PRKN: variants seen among roughly 807,000 people sequenced by gnomAD.
PRKN encodes the protein E3 ubiquitin-protein ligase parkin.
Under a neutral mutation model 59.5 loss-of-function variants are expected in PRKN, and 56 were observed. The observed-to-expected ratio is 0.94, with a 90% CI of 0.76 to 1.18. PRKN has a LOEUF of 1.18. Ranked by LOEUF, PRKN falls within the 50% of genes most tolerant of loss-of-function variation. The pLI, the probability that PRKN is intolerant of heterozygous loss-of-function variation, is 0.00. For synonymous variants in PRKN, 250 were observed against 222.1 expected, an observed-to-expected ratio of 1.13 and a Z score of -1.12; for missense variants, 657 against 596.4, an observed-to-expected ratio of 1.10 and a Z score of -1.06.
intron 7 of PRKN, among the ~76,000 whole-genome samples, chr6:161,781,559 C>T (rs1159395077): frequency 6.6e-6 from 1 of 152,056 alleles, no homozygotes; most frequent in African/African-American, 2.4e-5. Flanking sequence ...AGAGCTTGAC[C>T]ACGCAAAATT....
intron 1 of PRKN, among the ~76,000 whole-genome samples, chr6:162,615,098 G>A (rs1403738641): frequency 6.6e-6 from 1 of 152,122 alleles, no homozygotes; most frequent in Non-Finnish European, 1.5e-5. Flanking sequence ...TGCAAAATAT[G>A]AGCACATACC....
At chr6:162,450,316 C>G (rs376584730) in intron 1 of PRKN, among the ~76,000 whole-genome samples, 1 of 119,384 alleles carries the variant, frequency 8.4e-6, no homozygotes, top group East Asian at 2.5e-4. Context: ...TATGAACGCC[C>G]GTGAATGTAA....
intron 7 of PRKN, among the ~76,000 whole-genome samples, chr6:161,770,116 A>G (rs1304647623): frequency 1.3e-5 from 2 of 152,160 alleles, no homozygotes; most frequent in African/African-American, 4.8e-5. Context: ...AGATTTTCAA[A>G]TCAGAAAATT....
intron 9 of PRKN, among the ~76,000 whole-genome samples, chr6:161,528,505 A>G (rs1337707746): frequency 2.0e-5 from 3 of 152,210 alleles, no homozygotes; most frequent in Non-Finnish European, 4.4e-5. Flanking sequence ...CATTGAGAAA[A>G]GATCCTAGAA....
intron 6 of PRKN, among the ~76,000 whole-genome samples, chr6:161,803,452 C>A (rs769741644): frequency 1.2e-4 from 19 of 152,174 alleles, no homozygotes; most frequent in Non-Finnish European, 2.1e-4. Context: ...GTGAGGCCTG[C>A]CCTTCTGAAT....
chr6:162,696,700 T>G (rs1777983664), intron 1 of PRKN, among the ~76,000 whole-genome samples: 1 of 150,912 alleles, frequency 6.6e-6, no homozygotes, highest in South Asian at 2.1e-4. Flanking sequence ...TGTGCCACCA[T>G]GCCCAGCTAA....
At chr6:162,300,869 C>T (rs1301332441) in intron 2 of PRKN, among the ~76,000 whole-genome samples, 1 of 152,054 alleles carries the variant, frequency 6.6e-6, no homozygotes, top group East Asian at 1.9e-4. Flanking sequence ...TATACATTAA[C>T]AAAATAAAAT....
At chr6:161,666,044 GC>G (rs917680614) in intron 7 of PRKN, among the ~76,000 whole-genome samples, 2 of 152,172 alleles carry the variant, frequency 1.3e-5, no homozygotes, top group African/African-American at 4.8e-5. Flanking sequence ...CAGCTGGGCG[GC>G]TTACTAGCCC....
chr6:161,445,285 G>A lies in PRKN; in HGVS notation c.1084-58408C>T, dbSNP rs1789432799. Among the ~76,000 whole-genome samples the A allele has an allele frequency of 6.6e-6, 1 of 152,172 alleles. No homozygotes were observed. Among genetic ancestry groups the A allele is most frequent in the Admixed American group, 6.5e-5 (1 of 15,280 alleles). On this transcript the variant is annotated intron_variant, in intron 9 of 11. Transcript: ENST00000366898. This position sits in a 1 kb window ranked among gnomAD's most constrained non-coding sequence, Gnocchi z 7.7. The stretch of plus-strand genomic sequence containing the variant: ...GGACTGTAAAACATAGACCGCATGT[G>A]ACCTGCTGGTGCTCGGCACTGACCC...
chr6:162,083,113 C>G (rs1048138046), intron 4 of PRKN, among the ~76,000 whole-genome samples: 2 of 151,970 alleles, frequency 1.3e-5, no homozygotes, highest in Admixed American at 6.6e-5. Context: ...TGCCAACACG[C>G]CCACCCAGTT....
rs1789428122 is a variant in PRKN at position 161,445,183 on chromosome 6, A to G, written c.1084-58306T>C. Reference sequence around the variant, plus strand: ...GACACAGCTCCCCCTGCACGAGTGTACAGCAGTCAGACAGGAACGGGGAGA... The same window carrying G: ...GACACAGCTCCCCCTGCACGAGTGTGCAGCAGTCAGACAGGAACGGGGAGA... On this transcript the variant is annotated intron_variant, in intron 9 of 11. Transcript: ENST00000366898. The surrounding 1 kb of genome is among the most constrained non-coding windows in gnomAD (Gnocchi z 7.7). Among the ~76,000 whole-genome samples the G allele has an allele frequency of 6.6e-6, 1 of 152,132 alleles. No homozygotes were observed. The highest frequency in any genetic ancestry group is 1.5e-5 in the Non-Finnish European group (1 of 68,030).
intron 8 of PRKN, among the ~76,000 whole-genome samples, chr6:161,565,721 C>G (rs1780616877): frequency 6.6e-6 from 1 of 152,148 alleles, no homozygotes; most frequent in African/African-American, 2.4e-5. Flanking sequence ...CAGGCATTTA[C>G]TTATAGCAAT....
intron 4 of PRKN, among the ~76,000 whole-genome samples, chr6:162,194,293 A>T (rs1455027121): frequency 6.6e-6 from 1 of 152,270 alleles, no homozygotes; most frequent in African/African-American, 2.4e-5. Context: ...AGAATACAAT[A>T]AAAATACTTG....
At chr6:161,817,988 C>T (rs540023455) in intron 6 of PRKN, among the ~76,000 whole-genome samples, 32 of 152,228 alleles carry the variant, frequency 2.1e-4, no homozygotes, top group African/African-American at 7.2e-4. Flanking sequence ...AGTCTACTGG[C>T]GTAGGAGCCA....
chr6:162,039,586 C>A (rs1469958047), intron 5 of PRKN, among the ~76,000 whole-genome samples: 1 of 152,230 alleles, frequency 6.6e-6, no homozygotes, highest in Non-Finnish European at 1.5e-5. Flanking sequence ...TGAGTGGCAG[C>A]GGCCTCAGGC....
At chr6:162,333,447 T>A (rs1783681925) in intron 2 of PRKN, among the ~76,000 whole-genome samples, 1 of 152,172 alleles carries the variant, frequency 6.6e-6, no homozygotes, top group African/African-American at 2.4e-5. Flanking sequence ...CACATTTTGG[T>A]AATTCATATA....
At chr6:161,821,719 C>CTTTTTTTTTTTTTTTTTTTTTT (rs531807176) in intron 6 of PRKN, among the ~76,000 whole-genome samples, 5 of 64,706 alleles carry the variant, frequency 7.7e-5, no homozygotes, top group Admixed American at 2.6e-4. Flanking sequence ...CACTGGTGTT[C>CTTTTTTTTTTTTTTTTTTTTTT]TTTTTTTTTT....
In PRKN at chr6:161,362,687, A is replaced by C. The variant is rs1172942028; in HGVS notation, c.1168-2482T>G. On this transcript the variant is annotated intron_variant, in intron 10 of 11. Coordinates refer to ENST00000366898, the MANE Select transcript of PRKN (RefSeq NM_004562.3). The surrounding 1 kb of genome is among the most constrained non-coding windows in gnomAD (Gnocchi z 5.2). ...ATTAGCTTTAAAAAACCTCAAGTCA[A>C]AAATTAATTTGAAATATTACCAGAT... 1.3e-5 allele frequency among the ~76,000 whole-genome samples: 2 copies of C among 152,226 alleles called. No individual in the cohort carries two copies. The highest frequency in any genetic ancestry group is 4.8e-5 in the African/African-American group (2 of 41,446).
chr6:162,670,471 A>G (rs1779277420), intron 1 of PRKN, among the ~76,000 whole-genome samples: 1 of 152,204 alleles, frequency 6.6e-6, no homozygotes. Flanking sequence ...GTCTGCCTGC[A>G]GAACATGGTC....
Sources: allele counts gnomAD v4.1 joint callset (sites outside exome capture counted in the v4.1 genomes callset), GRCh38; gene constraint gnomAD v4.1.1; non-coding constraint Gnocchi (gnomAD v3.1); transcripts MANE v1.5; gene names NCBI Gene and HGNC (gene_info 2026-07-23, HGNC 2026-07-21).